Variants in MYO5B observed in about 807,000 individuals in gnomAD.
MYO5B encodes the protein unconventional myosin-Vb.
A neutral mutation model predicts 229.3 loss-of-function variants in MYO5B; 143 were observed. The ratio of observed to expected loss-of-function variants is 0.62; its 90% CI spans 0.54 to 0.72. MYO5B has a LOEUF of 0.72. MYO5B is among the 30% of genes least tolerant of loss of function. The pLI, the probability that MYO5B is intolerant of heterozygous loss-of-function variation, is 0.00. For missense variants in MYO5B, 2,321 were observed against 2,331.0 expected (o/e 1.00, Z 0.09); for synonymous variants, 918 against 885.2 (o/e 1.04, Z -0.66).
rs573551022 is a variant in MYO5B, at chr18:49,984,821, A to G, written c.843T>C (p.Ser281=). The change falls in exon 8 of 40, where the codon AGT becomes AGC. Residue 281 remains serine, a synonymous_variant. Coordinates refer to ENST00000285039, the MANE Select transcript of MYO5B (RefSeq NM_001080467.3). ...GTGATGTATAGAAAAAGTCCTCTGCACTTGCTGTGGGAGGCGAGGAAATAA... is the reference window on the plus strand; with the variant it reads ...GTGATGTATAGAAAAAGTCCTCTGCGCTTGCTGTGGGAGGCGAGGAAATAA... ...LPEFKELALT[S]AEDFFYTSQG... 8 of 1,604,422 alleles carry G rather than the reference A, an allele frequency of 5.0e-6. No individual in the cohort carries two copies. In the Admixed American group the frequency reaches 8.3e-5, roughly 17 times the overall value.
intron 14 of MYO5B, chr18:49,946,425 G>T (rs745761494): frequency 6.6e-6 from 1 of 152,134 alleles, no homozygotes; most frequent in Non-Finnish European, 1.5e-5. Flanking sequence ...TGCTCAAAAA[G>T]TTTCAAATTT....
At chr18:50,071,104 G>A (rs1200146489) in intron 1 of MYO5B, among the ~76,000 whole-genome samples, 1 of 152,232 alleles carries the variant, frequency 6.6e-6, no homozygotes, top group African/African-American at 2.4e-5. Context: ...GATTACAGGT[G>A]TGGGCCACCA....
chr18:50,160,758 C>T (rs575199174), intron 1 of MYO5B, among the ~76,000 whole-genome samples: 6 of 152,312 alleles, frequency 3.9e-5, no homozygotes, highest in Admixed American at 2.6e-4. Flanking sequence ...AGAGTAGACA[C>T]AATCCTAGGG....
At position 49,992,385 on chromosome 18, in the gene MYO5B, A is replaced by G; in HGVS notation, c.659T>C (p.Phe220Ser). The G allele has an allele frequency of 6.2e-7, 1 of 1,614,228 alleles. No individual in the cohort carries two copies. Residue 220 changes from phenylalanine (F) to serine (S), a missense_variant, in exon 6 of 40, where the codon TTT becomes TCT. By Grantham distance (155) the Phe-to-Ser change is radical (BLOSUM62 -2). Around this residue, in one of 2 missense-constraint regions of MYO5B, gnomAD observed 2,113 missense variants for 2,044.7 expected, o/e 1.03. Transcript: ENST00000285039. ...KTTRNDNSSR[F>S]GKYIQIGFDK... ...AAAGCCAATCTGGATGTACTTGCCA[A>G]AACGGCTGCTGTTGTCATTGCGGGT... is the stretch of plus-strand genomic sequence containing the variant.
intron 17 of MYO5B, among the ~76,000 whole-genome samples, chr18:49,918,460 G>T (rs1247441671): frequency 1.3e-5 from 2 of 152,224 alleles, no homozygotes; most frequent in Non-Finnish European, 2.9e-5. Flanking sequence ...AAATGGTAAA[G>T]AATCCCTCAG....
intron 22 of MYO5B, 50 bp from the exon 23 acceptor site, chr18:49,880,505 G>C (rs781606931): frequency 5.3e-5 from 75 of 1,424,724 alleles, no homozygotes; most frequent in Non-Finnish European, 6.5e-5. Flanking sequence ...GGGAAGAGGA[G>C]AGGCTCCTCT....
chr18:49,854,480 C>T (rs1010826882), intron 30 of MYO5B, among the ~76,000 whole-genome samples: 2 of 152,302 alleles, frequency 1.3e-5, no homozygotes, highest in Admixed American at 6.5e-5. Flanking sequence ...AAGTTAGATG[C>T]TAATATGACC....
At chr18:50,021,413 T>C (rs1425365654) in intron 4 of MYO5B, among the ~76,000 whole-genome samples, 1 of 152,090 alleles carries the variant, frequency 6.6e-6, no homozygotes, top group African/African-American at 2.4e-5. Flanking sequence ...CTCGGTGCCT[T>C]TGGCCATCAC....
intron 21 of MYO5B, among the ~76,000 whole-genome samples, chr18:49,900,318 T>C (rs2024827254): frequency 6.6e-6 from 1 of 152,232 alleles, no homozygotes; most frequent in South Asian, 2.1e-4. Context: ...TGAGTGGATG[T>C]GCCCTCCTCC....
At chr18:49,915,502 G>A (rs2025003936) in intron 17 of MYO5B, among the ~76,000 whole-genome samples, 2 of 152,242 alleles carry the variant, frequency 1.3e-5, no homozygotes, top group African/African-American at 2.4e-5. Flanking sequence ...TTAGAGCACC[G>A]AGGCCTCTGT....
In MYO5B at chr18:49,902,803, G is replaced by A; in HGVS notation, c.2602C>T (p.Gln868Ter). The A allele has an allele frequency of 6.2e-7, 1 of 1,601,620 alleles. No homozygotes were observed. The highest frequency in any genetic ancestry group is 8.5e-7 in the Non-Finnish European group (1 of 1,179,924). Residue 868 changes from glutamine to a stop codon, truncating the protein, a stop_gained, in exon 21 of 40, where the codon CAG becomes TAG. Transcript: ENST00000285039. LOFTEE classifies it high-confidence loss of function. ...GCCATCCAGCCCCGCACGTGCTTCTGGATGGTGGTGGCCTTGTGCTCCATG... is the reference window on the plus strand; with the variant it reads ...GCCATCCAGCCCCGCACGTGCTTCTAGATGGTGGTGGCCTTGTGCTCCATG... ...VLMEHKATTI[Q>*]KHVRGWMARR...
Position 49,971,212 on chromosome 18 carries a change from G to C in MYO5B, c.1322+3138C>G, listed in dbSNP as rs1210246780. ...TTCCCATAGTCATGAATAGAATAAA[G>C]CCTAATGACTGGAATGAGTTTGAAC... On this transcript the variant is annotated intron_variant, in intron 10 of 39. Transcript: ENST00000285039. Among the ~76,000 whole-genome samples the C allele has an allele frequency of 2.6e-5, 4 of 152,300 alleles. No individual in the cohort carries two copies. The East Asian group carries it at 7.7e-4, about 29-fold the overall frequency.
At position 49,984,771 on chromosome 18, in the gene MYO5B, C is replaced by A. The variant is rs144305793; in HGVS notation, c.893G>T (p.Gly298Val). The A allele has an allele frequency of 4.0e-5, 64 of 1,614,014 alleles. No homozygotes were observed. The highest frequency in any genetic ancestry group is 5.2e-5 in the Non-Finnish European group (61 of 1,179,902). ...CTCAAAGTCCTCAGCATCGTCCACA[C>A]CCTCGATGGAAGTGTCTCCTCCCTG... is the stretch of plus-strand genomic sequence containing the variant. ...TSQGGDTSIE[G>V]VDDAEDFEKT... Residue 298 changes from glycine (G) to valine (V), a missense_variant, in exon 8 of 40, where the codon GGT (glycine) becomes GTT (valine). Coordinates refer to ENST00000285039, the MANE Select transcript of MYO5B (RefSeq NM_001080467.3).
At chr18:50,150,789 T>A (rs1163747550) in intron 1 of MYO5B, among the ~76,000 whole-genome samples, 3 of 151,994 alleles carry the variant, frequency 2.0e-5, no homozygotes, top group Non-Finnish European at 4.4e-5. Context: ...CATATGTAAC[T>A]AACCTGCACA....
At chr18:50,112,444 C>T (rs1292792435) in intron 1 of MYO5B, among the ~76,000 whole-genome samples, 4 of 152,186 alleles carry the variant, frequency 2.6e-5, no homozygotes, top group African/African-American at 4.8e-5. Flanking sequence ...AGGCTCCTGC[C>T]GAGCCACCCA....
intron 1 of MYO5B, among the ~76,000 whole-genome samples, chr18:50,131,360 T>G (rs1168968192): frequency 6.6e-6 from 1 of 152,154 alleles, no homozygotes; most frequent in Non-Finnish European, 1.5e-5. Context: ...CATGAGTCTT[T>G]GAGCACACCA....
intron 1 of MYO5B, among the ~76,000 whole-genome samples, chr18:50,179,329 AAC>A (rs1354691596): frequency 2.6e-5 from 4 of 152,190 alleles, no homozygotes; most frequent in Non-Finnish European, 5.9e-5. Context: ...AAAGTAGAAA[AAC>A]CAGGTCTCTG....
At chr18:50,194,028 G>C (rs1235180639) in intron 1 of MYO5B, among the ~76,000 whole-genome samples, 1 of 152,146 alleles carries the variant, frequency 6.6e-6, no homozygotes, top group South Asian at 2.1e-4. Flanking sequence ...CTCCCGGTTC[G>C]ACTTTACTCC....
intron 12 of MYO5B, among the ~76,000 whole-genome samples, chr18:49,955,148 T>C (rs1006864467): frequency 6.6e-6 from 1 of 152,218 alleles, no homozygotes; most frequent in Non-Finnish European, 1.5e-5. Context: ...ACTAAGTACC[T>C]AGTGAGTGTT....
Sources: gnomAD v4.1 joint callset for allele counts (sites outside exome capture counted in the v4.1 genomes callset) on GRCh38, gnomAD v4.1.1 for gene constraint, gnomAD v4.1.1 regional missense constraint, MANE v1.5 for transcripts, NCBI Gene and HGNC (gene_info 2026-07-23, HGNC 2026-07-21) for gene names.